AOPEP: variants seen among roughly 807,000 people sequenced by gnomAD.
AOPEP encodes aminopeptidase O.
In AOPEP, 77 loss-of-function variants were observed where a neutral mutation model predicts 98.1. The observed-to-expected ratio is 0.78, with a 90% CI of 0.65 to 0.95. The LOEUF (loss-of-function observed/expected upper bound fraction) is 0.95, where lower values mean the gene tolerates loss of function less well. AOPEP is among the 40% of genes least tolerant of loss of function. The pLI, the probability that AOPEP is intolerant of heterozygous loss-of-function variation, is 0.00. For missense variants in AOPEP, 1,024 were observed against 1,024.7 expected (o/e 1.00, Z 0.01); for synonymous variants, 346 against 365.3 (o/e 0.95, Z 0.60).
In AOPEP at chr9:94,893,904, T is replaced by C. The variant is rs114610026; in HGVS notation, c.1365-30082T>C. Among the ~76,000 whole-genome samples the C allele has an allele frequency of 2.5e-3, 376 of 152,298 alleles. 1 individual carries two copies. Among genetic ancestry groups the C allele is most frequent in the African/African-American group, 8.5e-3 (355 of 41,570 alleles). On this transcript the variant is annotated intron_variant, in intron 5 of 16. Coordinates refer to ENST00000375315, the MANE Select transcript of AOPEP (RefSeq NM_001193329.3). ...AAATTAATCACATTGGAAGACTTGC[T>C]AAAAATGTCAATCAGTTCCTCAAAA...
At chr9:94,802,331 C>T (rs1272641201) in intron 5 of AOPEP, among the ~76,000 whole-genome samples, 3 of 152,092 alleles carry the variant, frequency 2.0e-5, no homozygotes, top group South Asian at 2.1e-4. Context: ...ATGAGAATTG[C>T]AGTTTTTTAA....
At chr9:94,846,489 T>A (rs1746707727) in intron 5 of AOPEP, among the ~76,000 whole-genome samples, 1 of 152,012 alleles carries the variant, frequency 6.6e-6, no homozygotes, top group African/African-American at 2.4e-5. Context: ...TTTCAGGGAG[T>A]CCTACTGTAA....
chr9:94,856,493 T>G (rs138573687), intron 5 of AOPEP, among the ~76,000 whole-genome samples: 81 of 151,878 alleles, frequency 5.3e-4, no homozygotes, highest in Middle Eastern at 3.4e-3. Flanking sequence ...AATACAAAAT[T>G]AGCCAGGCAT....
the AOPEP span, among the ~76,000 whole-genome samples, chr9:95,140,884 C>T: frequency 6.6e-6 from 1 of 152,122 alleles, no homozygotes; most frequent in African/African-American, 2.4e-5. Flanking sequence ...CAGCCACCAA[C>T]AAGCAGAAGA....
chr9:95,032,532 G>A (rs1296299421), intron 13 of AOPEP, among the ~76,000 whole-genome samples: 1 of 152,238 alleles, frequency 6.6e-6, no homozygotes, highest in Non-Finnish European at 1.5e-5. Flanking sequence ...GCGAAAGGTG[G>A]CGATGTGCAC....
chr9:94,810,122 G>A (rs961411327), intron 5 of AOPEP: 1 of 155,472 alleles, frequency 6.4e-6, no homozygotes, highest in African/African-American at 2.4e-5. Flanking sequence ...AAGCTCCCTG[G>A]TGAGGCTTCC....
chr9:94,905,913 A>G (rs1250222878), intron 5 of AOPEP, among the ~76,000 whole-genome samples: 1 of 152,206 alleles, frequency 6.6e-6, no homozygotes, highest in African/African-American at 2.4e-5. Context: ...GGGGCCCTGT[A>G]GTGGACAGAA....
At chr9:95,133,181 G>A in the AOPEP span, among the ~76,000 whole-genome samples, 2 of 152,210 alleles carry the variant, frequency 1.3e-5, no homozygotes, top group African/African-American at 2.4e-5. Context: ...ACTTAGCCAC[G>A]TCACAGGCCT....
At chr9:95,059,354 C>G (rs1175992662) in intron 13 of AOPEP, among the ~76,000 whole-genome samples, 12 of 152,168 alleles carry the variant, frequency 7.9e-5, no homozygotes, top group Non-Finnish European at 1.8e-4. Context: ...GGTGTCTTGT[C>G]TCCTTTCTTT....
the AOPEP span, among the ~76,000 whole-genome samples, chr9:95,144,233 A>C: frequency 6.6e-6 from 1 of 152,224 alleles, no homozygotes; most frequent in South Asian, 2.1e-4. Context: ...GAAAGTGTCC[A>C]TGGAGAGGCT....
intron 11 of AOPEP, 124 bp from the exon 12 acceptor site, chr9:95,005,034 C>G (rs1033743374): frequency 3.4e-6 from 1 of 297,108 alleles, no homozygotes; most frequent in Admixed American, 6.4e-5. Flanking sequence ...GGCTCCGGCG[C>G]CGCCGCTGCG....
intron 5 of AOPEP, among the ~76,000 whole-genome samples, chr9:94,894,881 C>T (rs911513446): frequency 7.9e-5 from 12 of 152,084 alleles, no homozygotes; most frequent in African/African-American, 2.7e-4. Flanking sequence ...AGGATGGTTC[C>T]ATCTTAAGAA....
chr9:94,780,566 C>T (rs374820466), intron 3 of AOPEP, among the ~76,000 whole-genome samples: 1 of 152,156 alleles, frequency 6.6e-6, no homozygotes, highest in African/African-American at 2.4e-5. Flanking sequence ...AGAGGACAAT[C>T]AGGAAACAGT....
chr9:95,031,438 C>T (rs2064291702), intron 13 of AOPEP, among the ~76,000 whole-genome samples: 1 of 152,156 alleles, frequency 6.6e-6, no homozygotes, highest in Non-Finnish European at 1.5e-5. Context: ...AACACGACGT[C>T]ATCTAGGTCT....
chr9:94,728,239 G>GCGCGCGCGCGCGCACACA (rs113657409), intron 1 of AOPEP, among the ~76,000 whole-genome samples: 193 of 146,600 alleles, frequency 1.3e-3, no homozygotes, highest in Non-Finnish European at 1.8e-3. Flanking sequence ...GTGCGCGCAT[G>GCGCGCGCGCGCGCACACA]CACACACACA....
At chr9:94,830,514 A>G (rs1161679027) in intron 5 of AOPEP, among the ~76,000 whole-genome samples, 2 of 152,192 alleles carry the variant, frequency 1.3e-5, no homozygotes, top group East Asian at 1.9e-4. Flanking sequence ...ACATGCATGT[A>G]TCTTTATAAT....
chr9:94,825,330 G>A (rs1471717728), intron 5 of AOPEP, among the ~76,000 whole-genome samples: 4 of 152,180 alleles, frequency 2.6e-5, no homozygotes, highest in Non-Finnish European at 5.9e-5. Flanking sequence ...ACTTACGAAG[G>A]CTGGGCCCTT....
intron 15 of AOPEP, 102 bp downstream of exon 15, chr9:95,080,882 A>C: frequency 1.2e-6 from 1 of 844,180 alleles, no homozygotes; most frequent in Non-Finnish European, 2.0e-6. Flanking sequence ...AAATAATTAA[A>C]TCTGTTACAG....
At chr9:95,011,739 G>C (rs140087722) in intron 13 of AOPEP, among the ~76,000 whole-genome samples, 77 of 152,164 alleles carry the variant, frequency 5.1e-4, no homozygotes, top group Admixed American at 9.2e-4. Flanking sequence ...TTGAGTTAAT[G>C]AGTTAGAGGT....
Sources: gnomAD v4.1 joint callset for allele counts (sites outside exome capture counted in the v4.1 genomes callset) on GRCh38, gnomAD v4.1.1 for gene constraint, MANE v1.5 for transcripts, NCBI Gene and HGNC (gene_info 2026-07-23, HGNC 2026-07-21) for gene names.